NEB: variants seen among roughly 807,000 people sequenced by gnomAD.
NEB encodes the protein nebulin.
In NEB, 512 loss-of-function variants were observed where a neutral mutation model predicts 952.2. The observed-to-expected ratio is 0.54, with a 90% CI of 0.50 to 0.58. NEB has a LOEUF of 0.58. Among genes scored for constraint, NEB ranks in the 20% least tolerant of loss-of-function variants. NEB has a pLI of 0.00. For missense variants in NEB, 8,428 were observed against 9,231.1 expected (o/e 0.91, Z 3.56); for synonymous variants, 2,900 against 3,149.8 (o/e 0.92, Z 2.66).
At position 151,661,783 on chromosome 2, in the gene NEB, G is replaced by A. The variant is rs1042113980; in HGVS notation, c.5970+352C>T. ...GCAGAAAGCAAGCTGGGGTTTGGGAGGTGGTTTCCAACACCAGCTACCATC... is the reference window on the plus strand; with the variant it reads ...GCAGAAAGCAAGCTGGGGTTTGGGAAGTGGTTTCCAACACCAGCTACCATC... On this transcript the variant is annotated intron_variant, in intron 46 of 181. Transcript: ENST00000397345. 9.2e-5 allele frequency among the ~76,000 whole-genome samples: 14 copies of A among 152,144 alleles called. No homozygotes were observed. In the East Asian group the frequency reaches 1.9e-3, roughly 21 times the overall value.
intron 75 of NEB, among the ~76,000 whole-genome samples, chr2:151,616,415 G>A (rs1252618702): frequency 2.0e-5 from 3 of 152,258 alleles, no homozygotes; most frequent in East Asian, 1.9e-4. Flanking sequence ...CTGGCCGGGC[G>A]TGGTGGCTCA....
At position 151,497,641 on chromosome 2, in the gene NEB, T is replaced by C; in HGVS notation, c.24285A>G (p.Gln8095=). The change falls in exon 171 of 182, where the codon CAA becomes CAG. Residue 8095 remains glutamine, a synonymous_variant. Coordinates refer to ENST00000397345, the MANE Select transcript of NEB (RefSeq NM_001164508.2). ...GCCAAAGTACCGAGCTAATATTTTC[T>C]TGATTGTGTTTGACTCTTTCCATCT... ...TPEMERVKHN[Q]ENISSVLYKE... is the part of the protein sequence containing the mutation. 1 of 1,577,378 alleles carries C rather than the reference T, an allele frequency of 6.3e-7. No homozygotes were observed. The highest frequency in any genetic ancestry group is 8.6e-7 in the Non-Finnish European group (1 of 1,158,996).
chr2:151,615,233 T>C (rs1339175194), intron 76 of NEB, among the ~76,000 whole-genome samples: 1 of 152,216 alleles, frequency 6.6e-6, no homozygotes, highest in Non-Finnish European at 1.5e-5. Flanking sequence ...TCCTTAACCT[T>C]GGCAAAATAA....
rs2153659545 is a variant in NEB, at chr2:151,553,793, G to A, written c.19626+35C>T. ...CTTCTGGGTGGGGCCGTGGGGCGGG[G>A]CCGTGGAGGGGTACTTCTTAAGTCA... On this transcript the variant is annotated intron_variant, in intron 126 of 181. Coordinates refer to ENST00000397345, the MANE Select transcript of NEB (RefSeq NM_001164508.2). 3 of 1,567,640 alleles carry A rather than the reference G, an allele frequency of 1.9e-6. No individual in the cohort carries two copies. In the East Asian group the frequency reaches 6.8e-5, roughly 35 times the overall value.
intron 40 of NEB, among the ~76,000 whole-genome samples, chr2:151,666,987 T>G (rs1485928091): frequency 6.6e-6 from 1 of 152,068 alleles, no homozygotes; most frequent in Non-Finnish European, 1.5e-5. Context: ...GCCTTTTTTC[T>G]CTATCAAGGC....
chr2:151,723,388 G>A lies in NEB; in HGVS notation c.711C>T (p.Leu237=), dbSNP rs1421194169. The A allele has an allele frequency of 6.2e-7, 1 of 1,606,342 alleles. No individual in the cohort carries two copies. The highest frequency in any genetic ancestry group is 1.1e-5 in the South Asian group (1 of 89,180). The change falls in exon 9 of 182, where the codon CTC becomes CTT. Residue 237 remains leucine (L), a synonymous_variant. Transcript: ENST00000397345. ...LRRVAQAQKA[L]SDVAYKKGLA... Reference sequence around the variant, plus strand: ...CCACTTGCATTTCACTTACATCACTGAGAGCTTTCTGGGCCTGGGCAACTC... The same window carrying A: ...CCACTTGCATTTCACTTACATCACTAAGAGCTTTCTGGGCCTGGGCAACTC...
In NEB at chr2:151,496,201, TA is replaced by T. The variant is rs2152934259; in HGVS notation, c.24486+74del. The T allele has an allele frequency of 4.3e-6, 6 of 1,387,248 alleles. No individual in the cohort carries two copies. In the South Asian group the frequency reaches 7.7e-5, roughly 18 times the overall value. 85.9% of individuals were successfully genotyped at this position (1,387,248 alleles called of 1,614,324 possible). A position where few individuals can be genotyped will look rare whatever the true frequency, so the allele number is the denominator to read the frequency against. Reference sequence around the variant, plus strand: ...TTAAGTTGTCTTTAAAAAGTAGGATTAATATGTATTATTTTAAATCATAAAA... The same window carrying T: ...TTAAGTTGTCTTTAAAAAGTAGGATTATATGTATTATTTTAAATCATAAAA... On this transcript the variant is annotated intron_variant, in intron 173 of 181. Transcript: ENST00000397345.
At chr2:151,500,443 T>TAGG (rs952110856) in intron 168 of NEB, among the ~76,000 whole-genome samples, 1 of 151,810 alleles carries the variant, frequency 6.6e-6, no homozygotes, top group African/African-American at 2.4e-5. Context: ...ATTTGTGTGT[T>TAGG]AGAGTTTTTC....
At chr2:151,512,109 C>T (rs998029746) in intron 161 of NEB, among the ~76,000 whole-genome samples, 2 of 146,986 alleles carry the variant, frequency 1.4e-5, no homozygotes, top group African/African-American at 5.1e-5. Flanking sequence ...CGGCTCACTG[C>T]AAGCTCTGCC....
In NEB at chr2:151,503,404, G is replaced by A; in HGVS notation, c.23780C>T (p.Thr7927Ile). 1 of 1,612,718 alleles carries A rather than the reference G, an allele frequency of 6.2e-7. No homozygotes were observed. Among genetic ancestry groups the A allele is most frequent in the Admixed American group, 1.7e-5 (1 of 59,998 alleles). ...TCTCTCAATCTCTGGAGTCACAGTG[G>A]TTGGAATGCCTGTTCCCAAGTTTTC... Reference protein sequence around the residue: ...YKENLGTGIPTTVTPEIERVK... With the variant: ...YKENLGTGIPITVTPEIERVK... Residue 7927 changes from threonine (T) to isoleucine (I), a missense_variant, in exon 166 of 182, where the codon ACC becomes ATC. Around this residue, in one of 11 missense-constraint regions of NEB, gnomAD observed 3,374 missense variants for 3,651.5 expected, o/e 0.92. Transcript: ENST00000397345.
intron 129 of NEB, 115 bp downstream of exon 129, chr2:151,551,623 G>A (rs1196495472): frequency 1.3e-6 from 1 of 776,314 alleles, no homozygotes; most frequent in African/African-American, 1.8e-5. Flanking sequence ...TTCACCTCAT[G>A]TGAATAGAAC....
At chr2:151,626,068 A>G (rs1029853641) in intron 70 of NEB, among the ~76,000 whole-genome samples, 1 of 149,922 alleles carries the variant, frequency 6.7e-6, no homozygotes. Context: ...TGTATGTGCT[A>G]TCTCTAGATT....
rs915650487 is a variant in NEB at position 151,631,462 on chromosome 2, G to A, written c.9415-116C>T. 36 of 1,155,488 alleles carry A rather than the reference G, an allele frequency of 3.1e-5. No individual in the cohort carries two copies. In the Middle Eastern group the frequency reaches 6.2e-4, roughly 20 times the overall value. The allele number at this position is 1,155,488 out of a possible 1,614,324, so 71.6% of individuals were successfully genotyped here. A position where few individuals can be genotyped will look rare whatever the true frequency, so the allele number is the denominator to read the frequency against. Reference sequence around the variant, plus strand: ...TGTTTTCTATTCGTAGAAAACAAGCGCGTTGTATAAGGCAAACTAAAAGAA... The same window carrying A: ...TGTTTTCTATTCGTAGAAAACAAGCACGTTGTATAAGGCAAACTAAAAGAA... On this transcript the variant is annotated intron_variant, in intron 65 of 181. Transcript: ENST00000397345.
chr2:151,540,683 A>T lies in NEB; in HGVS notation c.20787+14T>A, dbSNP rs1445714774. The T allele has an allele frequency of 6.2e-7, 1 of 1,607,604 alleles. No individual in the cohort carries two copies. The highest frequency in any genetic ancestry group is 1.7e-5 in the Admixed American group (1 of 59,976). ...CTTTTTACCCAGTGCCTCAGTGCTG[A>T]ATTCCCATCTTACCTCACTGACCAT... On this transcript the variant is annotated intron_variant, in intron 137 of 181. Coordinates refer to ENST00000397345, the MANE Select transcript of NEB (RefSeq NM_001164508.2).
rs545785622 is a variant in NEB, at chr2:151,676,194, C to A, written c.3775-803G>T. 9.8e-5 allele frequency among the ~76,000 whole-genome samples: 15 copies of A among 152,294 alleles called. No homozygotes were observed. In the South Asian group the frequency reaches 2.1e-3, roughly 21 times the overall value. ...TGACATGGCTAATAGCTAAATTAAT[C>A]CCCAAATAATAAATAATTTCTTCTA... On this transcript the variant is annotated intron_variant, in intron 34 of 181. Coordinates refer to ENST00000397345, the MANE Select transcript of NEB (RefSeq NM_001164508.2).
rs770023115 is a variant in NEB, at chr2:151,499,316, A to C, written c.24096T>G (p.Asn8032Lys). The C allele has an allele frequency of 3.2e-5, 48 of 1,522,774 alleles. No individual in the cohort carries two copies. The African/African-American group carries it at 6.0e-4, about 19-fold the overall frequency. 94.3% of individuals were successfully genotyped at this position (1,522,774 alleles called of 1,614,324 possible). ...ITPEMERVKH[N>K]QENFSSVLYK... ...TAAATACCGAACTAAAGTTTTCTTGATTGTGTTTGACTCTCTCCATCTCTG... is the reference window on the plus strand; with the variant it reads ...TAAATACCGAACTAAAGTTTTCTTGCTTGTGTTTGACTCTCTCCATCTCTG... Residue 8032 changes from asparagine (N) to lysine (K), a missense_variant, in exon 169 of 182, where the codon AAT (asparagine) becomes AAG (lysine). By Grantham distance (94) the Asn-to-Lys change is moderately conservative. Coordinates refer to ENST00000397345, the MANE Select transcript of NEB (RefSeq NM_001164508.2).
chr2:151,672,328 T>C, intron 37 of NEB, 41 bp downstream of exon 37: 1 of 1,508,960 alleles, frequency 6.6e-7, no homozygotes, highest in Non-Finnish European at 9.0e-7. Flanking sequence ...GATCATCCTT[T>C]AAGTGCAAAC....
intron 154 of NEB, 82 bp from the exon 155 acceptor site, chr2:151,519,151 T>C: frequency 1.1e-6 from 1 of 892,846 alleles, no homozygotes; most frequent in East Asian, 2.5e-5. Context: ...AGATAGCCCA[T>C]CGTCAAACAA....
chr2:151,650,410 C>G, intron 53 of NEB, 31 bp from the exon 54 acceptor site: 1 of 1,595,948 alleles, frequency 6.3e-7, no homozygotes, highest in Non-Finnish European at 8.6e-7. Context: ...CCATCAAAAT[C>G]CCATTCTCAC....
Sources: allele counts gnomAD v4.1 joint callset (sites outside exome capture counted in the v4.1 genomes callset), GRCh38; gene constraint gnomAD v4.1.1; regional missense constraint gnomAD v4.1.1; transcripts MANE v1.5; gene names NCBI Gene and HGNC (gene_info 2026-07-23, HGNC 2026-07-21).